Variants in WDFY4 observed in about 807,000 individuals in gnomAD.
WDFY4 encodes WDFY family member 4, also known as WD repeat- and FYVE domain-containing protein 4.
In WDFY4, 169 loss-of-function variants were observed where a neutral mutation model predicts 351.9. That is an observed-to-expected ratio of 0.48 (90% confidence interval 0.42 to 0.55). The LOEUF (loss-of-function observed/expected upper bound fraction) is 0.55. Ranked by LOEUF, WDFY4 falls within the 20% of genes least tolerant of loss-of-function variation. WDFY4 has a pLI of 0.00. For synonymous variants in WDFY4, 1,622 were observed against 1,574.6 expected, an observed-to-expected ratio of 1.03 and a Z score of -0.71; for missense variants, 3,803 against 3,935.6, an observed-to-expected ratio of 0.97 and a Z score of 0.90.
intron 1 of WDFY4, among the ~76,000 whole-genome samples, chr10:48,691,389 G>T (rs374321776): frequency 6.6e-6 from 1 of 152,120 alleles, no homozygotes; most frequent in African/African-American, 2.4e-5. Flanking sequence ...TTCCACCCGG[G>T]CCCCTAAGCC....
At chr10:48,740,497 A>C (rs1003329598) in intron 11 of WDFY4, among the ~76,000 whole-genome samples, 1 of 152,208 alleles carries the variant, frequency 6.6e-6, no homozygotes, top group African/African-American at 2.4e-5. Flanking sequence ...CTCTGTCTAC[A>C]CAGGGAAAGG....
intron 51 of WDFY4, among the ~76,000 whole-genome samples, chr10:48,952,842 C>T (rs1841394824): frequency 6.6e-6 from 1 of 152,204 alleles, no homozygotes; most frequent in African/African-American, 2.4e-5. Flanking sequence ...TTCCCAACGC[C>T]ATGAGGGTCC....
chr10:48,748,116 A>G (rs998648567), intron 12 of WDFY4, among the ~76,000 whole-genome samples: 1 of 152,200 alleles, frequency 6.6e-6, no homozygotes, highest in African/African-American at 2.4e-5. Context: ...CCCTGATAAC[A>G]TACAGGTTAA....
rs73298932 is a variant in WDFY4 at position 48,961,375 on chromosome 10, T to C, written c.8223+1562T>C. On this transcript the variant is annotated intron_variant, in intron 53 of 61. Transcript: ENST00000325239. ...ACTACATCTAAGCTGGATAAAGATG[T>C]AGCCAAAAACAGGTGGGTGCTGATA... Among the ~76,000 whole-genome samples the C allele has an allele frequency of 2.0e-3, 302 of 152,256 alleles. 1 individual carries two copies. The highest frequency in any genetic ancestry group is 6.8e-3 in the African/African-American group (284 of 41,548).
In WDFY4 at chr10:48,942,123, C is replaced by T. The variant is rs367916711; in HGVS notation, c.7629+275C>T. 5.5e-4 allele frequency among the ~76,000 whole-genome samples: 84 copies of T among 152,246 alleles called. No homozygotes were observed. The East Asian group carries it at 0.013, about 23-fold the overall frequency. On this transcript the variant is annotated intron_variant, in intron 48 of 61. Coordinates refer to ENST00000325239, the MANE Select transcript of WDFY4 (RefSeq NM_001394531.1). ...GGGATTACAGGCACCTACCACTAGG[C>T]CAAGCGAATTTTTGTATTTTTAGTA...
At chr10:48,905,683 C>T (rs531859319) in intron 47 of WDFY4, among the ~76,000 whole-genome samples, 1 of 152,346 alleles carries the variant, frequency 6.6e-6, no homozygotes. Context: ...AGGAGAGCCT[C>T]AGCAAAATGC....
At chr10:48,938,692 C>T (rs531134049) in intron 47 of WDFY4, among the ~76,000 whole-genome samples, 6 of 152,294 alleles carry the variant, frequency 3.9e-5, no homozygotes, top group East Asian at 1.9e-4. Context: ...ATGGCAGTAG[C>T]GCTCAAGCTT....
intron 47 of WDFY4, among the ~76,000 whole-genome samples, chr10:48,935,419 GC>G: frequency 6.6e-6 from 1 of 152,226 alleles, no homozygotes; most frequent in Non-Finnish European, 1.5e-5. Context: ...TGTTCACCCA[GC>G]AGTCAGTGGG....
At chr10:48,882,240 A>G (rs1444406748) in intron 43 of WDFY4, among the ~76,000 whole-genome samples, 1 of 152,098 alleles carries the variant, frequency 6.6e-6, no homozygotes, top group African/African-American at 2.4e-5. Flanking sequence ...TCTTGACTGG[A>G]CTGGAGCAGG....
intron 12 of WDFY4, among the ~76,000 whole-genome samples, chr10:48,747,762 C>G (rs1193351197): frequency 1.3e-5 from 2 of 152,130 alleles, no homozygotes; most frequent in African/African-American, 4.8e-5. Flanking sequence ...TTTATTTCTT[C>G]AAACACAAGA....
At chr10:48,739,653 G>A (rs1290071019) in intron 11 of WDFY4, among the ~76,000 whole-genome samples, 1 of 152,112 alleles carries the variant, frequency 6.6e-6, no homozygotes, top group African/African-American at 2.4e-5. Flanking sequence ...AATAATAGAG[G>A]AGTCTAAGTT....
At chr10:48,945,851 C>A (rs1411282539) in intron 49 of WDFY4, among the ~76,000 whole-genome samples, 189 bp from the exon 50 acceptor site, 1 of 152,176 alleles carries the variant, frequency 6.6e-6, no homozygotes, top group African/African-American at 2.4e-5. Flanking sequence ...TTTTTCATTT[C>A]TCCCTTTTTA....
intron 44 of WDFY4, among the ~76,000 whole-genome samples, chr10:48,896,017 G>T (rs1564458402): frequency 6.6e-6 from 1 of 152,188 alleles, no homozygotes; most frequent in Non-Finnish European, 1.5e-5. Context: ...ATTTTAAGAT[G>T]CACTCCCTAC....
chr10:48,928,353 CGTGT>C (rs3081490), intron 47 of WDFY4, among the ~76,000 whole-genome samples: 5,070 of 124,980 alleles, frequency 0.041, 135 homozygotes, highest in African/African-American at 0.079. Context: ...TTGGTTTTGA[CGTGT>C]GTGTGTGTGT....
chr10:48,815,570 C>T (rs913119783), intron 31 of WDFY4, among the ~76,000 whole-genome samples: 1 of 152,082 alleles, frequency 6.6e-6, no homozygotes, highest in Non-Finnish European at 1.5e-5. Flanking sequence ...ATGATTCTCC[C>T]ACCTCAGCCA....
At chr10:48,942,042 G>A (rs1449216753) in intron 48 of WDFY4, among the ~76,000 whole-genome samples, 194 bp downstream of exon 48, 2 of 152,102 alleles carry the variant, frequency 1.3e-5, no homozygotes, top group Non-Finnish European at 2.9e-5. Context: ...TCAGCTCACG[G>A]CAACCTCTGT....
intron 47 of WDFY4, chr10:48,909,380 T>G (rs1316055498): frequency 7.0e-6 from 1 of 142,896 alleles, no homozygotes; most frequent in Non-Finnish European, 1.5e-5. Flanking sequence ...ATCTATAGTA[T>G]TTTTTAGCAT....
chr10:48,779,887 G>A, intron 18 of WDFY4, 54 bp from the exon 19 acceptor site: 2 of 1,542,082 alleles, frequency 1.3e-6, no homozygotes, highest in South Asian at 1.2e-5. Context: ...CATTCTCCTG[G>A]GTTCCTGCAG....
At position 48,743,186 on chromosome 10, in the gene WDFY4, C is replaced by T. The variant is rs1298559354; in HGVS notation, c.2097C>T (p.Gly699=). The T allele has an allele frequency of 6.4e-7, 1 of 1,551,706 alleles. No individual in the cohort carries two copies. The highest frequency in any genetic ancestry group is 8.7e-7 in the Non-Finnish European group (1 of 1,147,006). Residue 699 remains glycine, a synonymous_variant, in exon 12 of 62, where the codon GGC becomes GGT. Coordinates refer to ENST00000325239, the MANE Select transcript of WDFY4 (RefSeq NM_001394531.1). ...CGCTGCACTGGGACCCTGTCAATGGCTACTTCTTCAGGAGGAATGGGCTCT... is the reference window on the plus strand; with the variant it reads ...CGCTGCACTGGGACCCTGTCAATGGTTACTTCTTCAGGAGGAATGGGCTCT... ...SAALHWDPVN[G]YFFRRNGLFE...
Sources: allele counts gnomAD v4.1 joint callset (sites outside exome capture counted in the v4.1 genomes callset), GRCh38; gene constraint gnomAD v4.1.1; transcripts MANE v1.5; gene names NCBI Gene and HGNC (gene_info 2026-07-23, HGNC 2026-07-21).